GINM1: variants seen among roughly 807,000 people sequenced by gnomAD.
GINM1 encodes glycoprotein integral membrane protein 1.
A neutral mutation model predicts 37.8 loss-of-function variants in GINM1; 29 were observed. That is an observed-to-expected ratio of 0.77 (90% CI 0.57 to 1.05). GINM1 has a LOEUF of 1.05. Among genes scored for constraint, GINM1 ranks in the 50% least tolerant of loss-of-function variants. The pLI, the probability that GINM1 is intolerant of heterozygous loss-of-function variation, is 0.00. For synonymous variants in GINM1, 143 were observed against 146.2 expected, an observed-to-expected ratio of 0.98 and a Z score of 0.16; for missense variants, 377 against 397.9, an observed-to-expected ratio of 0.95 and a Z score of 0.45.
intron 3 of GINM1, among the ~76,000 whole-genome samples, chr6:149,573,151 C>T (rs140889274): frequency 9.3e-4 from 142 of 152,002 alleles, no homozygotes; most frequent in Non-Finnish European, 1.6e-3. Context: ...GGTGAAACCC[C>T]ATCTCTACTG....
At chr6:149,575,846 T>C (rs905494392) in intron 3 of GINM1, among the ~76,000 whole-genome samples, 1 of 152,204 alleles carries the variant, frequency 6.6e-6, no homozygotes, top group Non-Finnish European at 1.5e-5. Flanking sequence ...TCCTCTCTTA[T>C]GGCCATCTTT....
At chr6:149,569,337 CT>C (rs372296900) in intron 1 of GINM1, among the ~76,000 whole-genome samples, 211 of 123,834 alleles carry the variant, frequency 1.7e-3, no homozygotes, top group Non-Finnish European at 2.0e-3. Context: ...CGCCCGGTCA[CT>C]TTTTTTTTTT....
At chr6:149,581,420 A>G (rs1254356288) in intron 6 of GINM1, among the ~76,000 whole-genome samples, 3 of 152,100 alleles carry the variant, frequency 2.0e-5, no homozygotes, top group Non-Finnish European at 1.5e-5. Context: ...TGGCCTCCCA[A>G]AGTGTTGGGA....
intron 7 of GINM1, among the ~76,000 whole-genome samples, chr6:149,583,595 C>T (rs910576482): frequency 7.6e-4 from 115 of 150,712 alleles, no homozygotes; most frequent in African/African-American, 2.6e-3. Context: ...CGCCATTGCA[C>T]TCCAGCCTGG....
At chr6:149,573,637 G>T (rs1237108259) in intron 3 of GINM1, among the ~76,000 whole-genome samples, 1 of 152,132 alleles carries the variant, frequency 6.6e-6, no homozygotes, top group Non-Finnish European at 1.5e-5. Flanking sequence ...GGAGGCTGAG[G>T]CGGGTGAACT....
At position 149,572,542 on chromosome 6, in the gene GINM1, G is replaced by T; in HGVS notation, c.216G>T (p.Val72=). Residue 72 remains valine (V), a synonymous_variant, in exon 3 of 8, where the codon GTG becomes GTT. Coordinates refer to ENST00000367419, the MANE Select transcript of GINM1 (RefSeq NM_138785.5). ...ACATAACCTATGAGAGTGGACAGGT[G>T]TATGTAAATGACTTACCTGTAAATA... The part of the protein sequence containing the change: ...VLNITYESGQ[V]YVNDLPVNSG... 6.2e-7 allele frequency: 1 copy of T among 1,605,946 alleles called. No individual in the cohort carries two copies. The highest frequency in any genetic ancestry group is 8.5e-7 in the Non-Finnish European group (1 of 1,173,704).
Position 149,590,855 on chromosome 6 carries a change from A to C in GINM1, c.*17A>C. ...TGTATTTAAAACGCCATCTCATATCATGGACTCCGAAGTAGCCTGTTGCCT... is the reference window on the plus strand; with the variant it reads ...TGTATTTAAAACGCCATCTCATATCCTGGACTCCGAAGTAGCCTGTTGCCT... On this transcript the variant is annotated 3_prime_UTR_variant, in exon 8 of 8. Coordinates refer to ENST00000367419, the MANE Select transcript of GINM1 (RefSeq NM_138785.5). 6.4e-5 allele frequency: 78 copies of C among 1,213,390 alleles called. No individual in the cohort carries two copies. Among genetic ancestry groups the C allele is most frequent in the Non-Finnish European group, 8.7e-5 (72 of 823,110 alleles). The allele number at this position is 1,213,390 out of a possible 1,614,324, so 75.2% of individuals were successfully genotyped here.
chr6:149,575,528 C>G (rs1777901242), intron 3 of GINM1, among the ~76,000 whole-genome samples: 2 of 152,204 alleles, frequency 1.3e-5, no homozygotes, highest in African/African-American at 2.4e-5. Context: ...TGGGAGTTGG[C>G]AAATGCCTTT....
rs565039068 is a variant in GINM1 at position 149,569,209 on chromosome 6, T to C, written c.120+2675T>C. On this transcript the variant is annotated intron_variant, in intron 1 of 7. Coordinates refer to ENST00000367419, the MANE Select transcript of GINM1 (RefSeq NM_138785.5). ...CCACTGCGCCCAGCTAATTTTTTTATATTTTTAGTAGAGATGGGGTTTCAC... is the reference window on the plus strand; with the variant it reads ...CCACTGCGCCCAGCTAATTTTTTTACATTTTTAGTAGAGATGGGGTTTCAC... Among the ~76,000 whole-genome samples the C allele has an allele frequency of 2.0e-5, 3 of 152,004 alleles. No individual in the cohort carries two copies. In the East Asian group the frequency reaches 5.8e-4, roughly 29 times the overall value.
chr6:149,566,394 C>T lies in GINM1; in HGVS notation c.-21C>T. On this transcript the variant is annotated 5_prime_UTR_variant, in exon 1 of 8. Coordinates refer to ENST00000367419, the MANE Select transcript of GINM1 (RefSeq NM_138785.5). The surrounding 1 kb of genome is among the most constrained non-coding windows in gnomAD (Gnocchi z 4.4). The stretch of plus-strand genomic sequence containing the variant: ...GCCCTCACCTCCCGGCCGCGGCTGC[C>T]CTCTGCCCGGGTTGTCCAAGATGGA... 1 of 1,542,584 alleles carries T rather than the reference C, an allele frequency of 6.5e-7. No individual in the cohort carries two copies. The highest frequency in any genetic ancestry group is 1.2e-5 in the South Asian group (1 of 84,796).
intron 3 of GINM1, among the ~76,000 whole-genome samples, chr6:149,573,464 A>G (rs1357047549): frequency 3.3e-5 from 5 of 152,182 alleles, no homozygotes; most frequent in Non-Finnish European, 2.9e-5. Context: ...AGAATGTACA[A>G]TAACACTAAT....
intron 7 of GINM1, among the ~76,000 whole-genome samples, chr6:149,586,749 A>C (rs777598818): frequency 1.3e-5 from 2 of 151,766 alleles, no homozygotes; most frequent in Non-Finnish European, 2.9e-5. Flanking sequence ...ATTCTATTTT[A>C]TTTTTTATTA....
chr6:149,588,705 C>T (rs918423098), intron 7 of GINM1, among the ~76,000 whole-genome samples: 5 of 152,062 alleles, frequency 3.3e-5, no homozygotes, highest in Admixed American at 2.0e-4. Flanking sequence ...AGGCCCACTG[C>T]AGCCTTGACC....
In GINM1 at chr6:149,578,826, G is replaced by A; in HGVS notation, c.282G>A (p.Lys94=). 6.4e-7 allele frequency: 1 copy of A among 1,563,396 alleles called. No homozygotes were observed. The highest frequency in any genetic ancestry group is 1.8e-5 in the Admixed American group (1 of 54,722). The change falls in exon 4 of 8, where the codon AAG becomes AAA. Residue 94 remains lysine (K), a synonymous_variant. Coordinates refer to ENST00000367419, the MANE Select transcript of GINM1 (RefSeq NM_138785.5). ...TRISCQTLIV[K]NENLENLEEK... ...TCACTACTTTTTTTTTTATAGTGAA[G>A]AATGAAAATCTTGAAAATTTGGAGG...
At chr6:149,580,189 T>G (rs1777978545) in intron 5 of GINM1, among the ~76,000 whole-genome samples, 199 bp downstream of exon 5, 1 of 152,236 alleles carries the variant, frequency 6.6e-6, no homozygotes, top group African/African-American at 2.4e-5. Context: ...ATTTAAGGAC[T>G]TTAGGACTCT....
chr6:149,582,522 T>C lies in GINM1; in HGVS notation c.800T>C (p.Leu267Ser). 6.2e-7 allele frequency: 1 copy of C among 1,612,808 alleles called. No individual in the cohort carries two copies. Among genetic ancestry groups the C allele is most frequent in the Non-Finnish European group, 8.5e-7 (1 of 1,179,628 alleles). The change falls in exon 7 of 8, where the codon TTG becomes TCG. Residue 267 changes from leucine (L) to serine (S), a missense_variant. Transcript: ENST00000367419. ...GTTTTCCCAGTATTCTTTCAGTTTT[T>C]GAACATCATGGTGGTTGGAATTACA... Reference protein sequence around the residue: ...SNVFPVFFQFLNIMVVGITGA... With the variant: ...SNVFPVFFQFSNIMVVGITGA...
chr6:149,582,379 T>G, intron 6 of GINM1, 61 bp from the exon 7 acceptor site: 1 of 1,416,942 alleles, frequency 7.1e-7, no homozygotes, highest in South Asian at 1.3e-5. Flanking sequence ...CATTAAAAAA[T>G]TTAAAGTTTA....
At chr6:149,568,554 ATTTAAT>A (rs1181773106) in intron 1 of GINM1, among the ~76,000 whole-genome samples, 1 of 152,220 alleles carries the variant, frequency 6.6e-6, no homozygotes, top group African/African-American at 2.4e-5. Flanking sequence ...TTAAATTTTT[ATTTAAT>A]TTTAATCAAT....
intron 7 of GINM1, chr6:149,584,590 T>C (rs903990878): frequency 7.9e-5 from 12 of 152,148 alleles, no homozygotes; most frequent in African/African-American, 2.9e-4. Context: ...TTCCACTGAA[T>C]TGGCATTCCC....
Sources: gnomAD v4.1 joint callset for allele counts (sites outside exome capture counted in the v4.1 genomes callset) on GRCh38, gnomAD v4.1.1 for gene constraint, Gnocchi (gnomAD v3.1) non-coding constraint, MANE v1.5 for transcripts, NCBI Gene and HGNC (gene_info 2026-07-23, HGNC 2026-07-21) for gene names.